PCP4: variants seen among roughly 807,000 people sequenced by gnomAD.
PCP4 encodes the protein Purkinje cell protein 4.
A neutral mutation model predicts 10.0 loss-of-function variants in PCP4; 8 were observed. The ratio of observed to expected loss-of-function variants is 0.80; its 90% CI spans 0.47 to 1.45. The LOEUF (loss-of-function observed/expected upper bound fraction) is 1.45, where lower values mean the gene tolerates loss of function less well. Ranked by LOEUF, PCP4 falls within the 40% of genes most tolerant of loss-of-function variation. The pLI is 0.00. For synonymous variants in PCP4, 21 were observed against 23.0 expected (o/e 0.91, Z 0.24); for missense variants, 54 against 74.4 (o/e 0.73, Z 1.01).
At chr21:39,877,683 C>G (rs1433265994) in intron 1 of PCP4, among the ~76,000 whole-genome samples, 1 of 152,012 alleles carries the variant, frequency 6.6e-6, no homozygotes, top group Non-Finnish European at 1.5e-5. Context: ...GACAACAGAG[C>G]CAGATCCTGC....
rs569788090 is a variant in PCP4, at chr21:39,885,248, G to A, written c.10-13228G>A. On this transcript the variant is annotated intron_variant, in intron 1 of 2. Transcript: ENST00000328619. Reference sequence around the variant, plus strand: ...CTTCTCAAACTGACACTGAGCAAGCGCCACCTGCTCCTGCTCCAGGGGGCT... The same window carrying A: ...CTTCTCAAACTGACACTGAGCAAGCACCACCTGCTCCTGCTCCAGGGGGCT... 7.2e-5 allele frequency among the ~76,000 whole-genome samples: 11 copies of A among 152,282 alleles called. No individual in the cohort carries two copies. In the East Asian group the frequency reaches 9.7e-4, roughly 13 times the overall value.
intron 2 of PCP4, among the ~76,000 whole-genome samples, chr21:39,923,854 C>T (rs927229834): frequency 3.3e-5 from 5 of 152,352 alleles, no homozygotes; most frequent in South Asian, 4.1e-4. Context: ...ACTAGGAGGG[C>T]GTGGTGTGTG....
chr21:39,878,734 G>C (rs927771091), intron 1 of PCP4, among the ~76,000 whole-genome samples: 14 of 152,166 alleles, frequency 9.2e-5, no homozygotes, highest in African/African-American at 3.4e-4. Context: ...GCTTGCTCAT[G>C]GTAGAGTATC....
chr21:39,880,721 G>A (rs1034130), intron 1 of PCP4, among the ~76,000 whole-genome samples: 102,446 of 152,144 alleles, frequency 0.67, 36,349 homozygotes, highest in African/African-American at 0.91. Flanking sequence ...AGGCTTTTCA[G>A]TTAAAGAAAC....
At chr21:39,927,348 T>TCTAC (rs2087629051) in intron 2 of PCP4, among the ~76,000 whole-genome samples, 1 of 60,002 alleles carries the variant, frequency 1.7e-5, no homozygotes, top group Admixed American at 1.7e-4. Flanking sequence ...TGTCTATCTA[T>TCTAC]CTATCTATCT....
At chr21:39,920,078 T>G (rs2087588332) in intron 2 of PCP4, among the ~76,000 whole-genome samples, 1 of 141,276 alleles carries the variant, frequency 7.1e-6, no homozygotes, top group African/African-American at 2.7e-5. Context: ...TGTGTGTGTG[T>G]GGTGTGTGTG....
chr21:39,928,864 A>G, intron 2 of PCP4, 120 bp from the exon 3 acceptor site: 1 of 899,604 alleles, frequency 1.1e-6, no homozygotes, highest in Non-Finnish European at 1.7e-6. Flanking sequence ...CCTGGGGTGT[A>G]AGTTAAGCCC....
At chr21:39,876,286 A>G (rs1485620836) in intron 1 of PCP4, among the ~76,000 whole-genome samples, 3 of 151,998 alleles carry the variant, frequency 2.0e-5, no homozygotes, top group African/African-American at 7.2e-5. Context: ...CCCCGCCCCT[A>G]TCCTCTGGCA....
At position 39,929,198 on chromosome 21, in the gene PCP4, A is replaced by G. The variant is rs2087639575; in HGVS notation, c.*87A>G. 3 of 1,344,416 alleles carry G rather than the reference A, an allele frequency of 2.2e-6. No individual in the cohort carries two copies. The highest frequency in any genetic ancestry group is 3.1e-6 in the Non-Finnish European group (3 of 973,248). 83.3% of individuals were successfully genotyped at this position (1,344,416 alleles called of 1,614,324 possible). ...TTAAAAGAACAACACCCTAGAGAGA[A>G]GTCATCCACACACAATCCACACACG... is the stretch of plus-strand genomic sequence containing the variant. On this transcript the variant is annotated 3_prime_UTR_variant, in exon 3 of 3. Transcript: ENST00000328619.
At chr21:39,880,164 C>T (rs2087367522) in intron 1 of PCP4, among the ~76,000 whole-genome samples, 1 of 143,800 alleles carries the variant, frequency 7.0e-6, no homozygotes, top group Non-Finnish European at 1.5e-5. Flanking sequence ...ATATCTATAT[C>T]TATATCTATA....
chr21:39,908,838 C>T (rs1460406079), intron 2 of PCP4, among the ~76,000 whole-genome samples: 2 of 152,134 alleles, frequency 1.3e-5, no homozygotes, highest in Non-Finnish European at 2.9e-5. Context: ...TGTGGAGAGG[C>T]GCCAAGGAGC....
chr21:39,900,994 G>A (rs1460626359), intron 2 of PCP4, among the ~76,000 whole-genome samples: 1 of 152,114 alleles, frequency 6.6e-6, no homozygotes, highest in East Asian at 1.9e-4. Flanking sequence ...AAAATGAAAA[G>A]TCATTATATT....
rs190198090 is a variant in PCP4 at position 39,893,947 on chromosome 21, G to A, written c.10-4529G>A. Reference sequence around the variant, plus strand: ...AGCACCAGGGACGCTGATTTCAGGCGGTTGAAGGAGGAAGGGGCTGTCCTT... The same window carrying A: ...AGCACCAGGGACGCTGATTTCAGGCAGTTGAAGGAGGAAGGGGCTGTCCTT... On this transcript the variant is annotated intron_variant, in intron 1 of 2. Transcript: ENST00000328619. Among the ~76,000 whole-genome samples the A allele has an allele frequency of 3.9e-5, 6 of 152,288 alleles. No individual in the cohort carries two copies. In the East Asian group the frequency reaches 7.7e-4, roughly 20 times the overall value.
rs188850128 is a variant in PCP4 at position 39,915,866 on chromosome 21, C to G, written c.62-13118C>G. Among the ~76,000 whole-genome samples, 26 of 152,166 alleles carry G rather than the reference C, an allele frequency of 1.7e-4. No homozygotes were observed. The East Asian group carries it at 4.2e-3, about 25-fold the overall frequency. ...GATAACCATGTGCTCAGCCCCAGAT[C>G]AGGGGTTTTGGAACTAAGAAAAAGG... On this transcript the variant is annotated intron_variant, in intron 2 of 2. Coordinates refer to ENST00000328619, the MANE Select transcript of PCP4 (RefSeq NM_006198.3).
chr21:39,922,803 A>G (rs1014503124), intron 2 of PCP4, among the ~76,000 whole-genome samples: 3 of 152,226 alleles, frequency 2.0e-5, no homozygotes, highest in Non-Finnish European at 4.4e-5. Context: ...CCAGCCTGAT[A>G]GATTTTGATT....
At chr21:39,928,116 T>C (rs1157424124) in intron 2 of PCP4, among the ~76,000 whole-genome samples, 2 of 152,076 alleles carry the variant, frequency 1.3e-5, no homozygotes, top group Admixed American at 6.5e-5. Flanking sequence ...CAGTGGTGAT[T>C]TGTAAGATTT....
intron 1 of PCP4, among the ~76,000 whole-genome samples, chr21:39,892,172 C>G (rs1193398986): frequency 6.6e-6 from 1 of 152,236 alleles, no homozygotes; most frequent in Non-Finnish European, 1.5e-5. Flanking sequence ...ACAGAGGGCT[C>G]ACCTCTTGCC....
chr21:39,878,992 T>A (rs1043054328), intron 1 of PCP4, among the ~76,000 whole-genome samples: 1 of 148,948 alleles, frequency 6.7e-6, no homozygotes, highest in African/African-American at 2.6e-5. Flanking sequence ...CTTTCCTTTT[T>A]CTTTTTTTTT....
chr21:39,917,974 T>C (rs753154600), intron 2 of PCP4, among the ~76,000 whole-genome samples: 1 of 152,098 alleles, frequency 6.6e-6, no homozygotes, highest in African/African-American at 2.4e-5. Context: ...GGGATCCTCA[T>C]GTGAGGACAC....
Sources: allele counts gnomAD v4.1 joint callset (sites outside exome capture counted in the v4.1 genomes callset), GRCh38; gene constraint gnomAD v4.1.1; transcripts MANE v1.5; gene names NCBI Gene and HGNC (gene_info 2026-07-23, HGNC 2026-07-21).